The following SLX4 variants were observed in gnomAD, a reference collection of about 807,000 sequenced individuals.
SLX4 encodes the protein SLX4 structure-specific endonuclease subunit, also known as structure-specific endonuclease subunit SLX4.
Under a neutral mutation model 146.2 loss-of-function variants are expected in SLX4, and 112 were observed. That is an observed-to-expected ratio of 0.77 (90% confidence interval 0.66 to 0.90). The LOEUF (loss-of-function observed/expected upper bound fraction) is 0.90, where lower values mean the gene tolerates loss of function less well. Ranked by LOEUF, SLX4 falls within the 40% of genes least tolerant of loss-of-function variation. The pLI, the probability that SLX4 is intolerant of heterozygous loss-of-function variation, is 0.00. For synonymous variants in SLX4, 1,061 were observed against 997.7 expected, an observed-to-expected ratio of 1.06 and a Z score of -1.20; for missense variants, 2,563 against 2,392.7, an observed-to-expected ratio of 1.07 and a Z score of -1.49.
In SLX4 at chr16:3,595,628, G is replaced by A. The variant is rs759223029; in HGVS notation, c.1990C>T (p.Pro664Ser). The A allele has an allele frequency of 1.9e-6, 3 of 1,613,856 alleles. No individual in the cohort carries two copies. The African/African-American group carries it at 4.0e-5, about 22-fold the overall frequency. Residue 664 changes from proline (P) to serine (S), a missense_variant, in exon 9 of 15, where the codon CCG becomes TCG. Pro to Ser is a moderately conservative substitution (Grantham distance 74). Coordinates refer to ENST00000294008, the MANE Select transcript of SLX4 (RefSeq NM_032444.4). ...GFVVPSQDKH[P>S]DRGGRTLLSL... ...ACCAAGGTGCGGCCGCCCCTGTCCG[G>A]GTGCTTGTCCTGCGATGGCACCACA...
intron 9 of SLX4, 78 bp from the exon 10 acceptor site, chr16:3,594,677 G>A: frequency 6.3e-7 from 1 of 1,599,136 alleles, no homozygotes; most frequent in Non-Finnish European, 8.6e-7. Flanking sequence ...CTCCCCGCAT[G>A]GAGGTGGCGC....
intron 1 of SLX4, among the ~76,000 whole-genome samples, chr16:3,611,240 G>A (rs2040866523): frequency 6.6e-6 from 1 of 152,190 alleles, no homozygotes; most frequent in East Asian, 1.9e-4. Flanking sequence ...GGGGTTCCCC[G>A]TCTGGGAAAA....
intron 12 of SLX4, among the ~76,000 whole-genome samples, chr16:3,587,445 G>T (rs889338225): frequency 6.6e-6 from 1 of 152,162 alleles, no homozygotes; most frequent in African/African-American, 2.4e-5. Context: ...GCAGTGAGCC[G>T]AGATAGCCCC....
chr16:3,604,157 G>T (rs112388769), intron 3 of SLX4, among the ~76,000 whole-genome samples: 12 of 151,642 alleles, frequency 7.9e-5, no homozygotes, highest in African/African-American at 2.7e-4. Flanking sequence ...GCTTGAACCT[G>T]GGAGGCAGAG....
intron 1 of SLX4, among the ~76,000 whole-genome samples, chr16:3,610,508 T>C (rs768810481): frequency 5.3e-5 from 8 of 152,190 alleles, no homozygotes; most frequent in Non-Finnish European, 1.2e-4. Flanking sequence ...AAGAAGCCTA[T>C]ATGGTGGAAT....
chr16:3,592,261 G>A (rs560859574), intron 11 of SLX4, among the ~76,000 whole-genome samples: 1 of 152,394 alleles, frequency 6.6e-6, no homozygotes, highest in South Asian at 2.1e-4. Flanking sequence ...CTAAGATGCT[G>A]GCTGGACAAG....
chr16:3,584,756 G>A lies in SLX4; in HGVS notation c.4739+13C>T, dbSNP rs2040488258. 1 of 1,603,464 alleles carries A rather than the reference G, an allele frequency of 6.2e-7. No individual in the cohort carries two copies. The highest frequency in any genetic ancestry group is 1.7e-5 in the Admixed American group (1 of 59,988). On this transcript the variant is annotated intron_variant, in intron 13 of 14. Transcript: ENST00000294008. ...AAGACCACTGTGGGCAACAAGCTTT[G>A]AAGACCGCCAACCTATCCAGTTCCT...
Position 3,596,197 on chromosome 16 carries a change from G to A in SLX4, c.1880C>T (p.Pro627Leu), listed in dbSNP as rs774683778. Residue 627 changes from proline to leucine, a missense_variant, in exon 8 of 15, where the codon CCG (proline) becomes CTG (leucine). By Grantham distance (98) the Pro-to-Leu change is moderately conservative. Transcript: ENST00000294008. ...DLAREGLSAS[P>L]WPGSGGLAGS... ...AGCCAGGCCCCCACTGCCGGGCCACGGGCTGGCGCTCAGTCCCTCCCTCGC... is the reference window on the plus strand; with the variant it reads ...AGCCAGGCCCCCACTGCCGGGCCACAGGCTGGCGCTCAGTCCCTCCCTCGC... 8.4e-6 allele frequency: 13 copies of A among 1,550,646 alleles called. No homozygotes were observed. The highest frequency in any genetic ancestry group is 1.9e-5 in the Admixed American group (1 of 51,918).
intron 5 of SLX4, among the ~76,000 whole-genome samples, chr16:3,599,206 CAA>C (rs992861191): frequency 6.6e-6 from 1 of 152,354 alleles, no homozygotes; most frequent in African/African-American, 2.4e-5. Flanking sequence ...GCTCCTCCAC[CAA>C]GAGAATCCCC....
rs781021676 is a variant in SLX4, at chr16:3,590,968, G to A, written c.2670C>T (p.Leu890=). The A allele has an allele frequency of 3.1e-6, 5 of 1,614,150 alleles. No homozygotes were observed. Among genetic ancestry groups the A allele is most frequent in the African/African-American group, 1.3e-5 (1 of 75,032 alleles). The part of the protein sequence containing the change: ...LEGGSPVSGQ[L]LAGVQVQKQW... Reference sequence around the variant, plus strand: ...GTTTCTGCACCTGGACACCTGCTAGGAGTTGCCCAGAAACCGGACTGCCAC... The same window carrying A: ...GTTTCTGCACCTGGACACCTGCTAGAAGTTGCCCAGAAACCGGACTGCCAC... The change falls in exon 12 of 15, where the codon CTC becomes CTT. Residue 890 remains leucine (L), a synonymous_variant. Transcript: ENST00000294008. This position sits in a 1 kb window ranked among gnomAD's most constrained non-coding sequence, Gnocchi z 4.8.
chr16:3,589,618 G>A lies in SLX4; in HGVS notation c.4020C>T (p.His1340=), dbSNP rs768829231. 3.1e-6 allele frequency: 5 copies of A among 1,613,958 alleles called. No homozygotes were observed. The highest frequency in any genetic ancestry group is 4.2e-6 in the Non-Finnish European group (5 of 1,180,042). ...PGTSDGRRQG[H]RSPSRPHPGG... ...CGGGGTGGGGACGGGAAGGGCTTCT[G>A]TGGCCTTGCCTTCTGCCGTCAGAAG... is the stretch of plus-strand genomic sequence containing the variant. The change falls in exon 12 of 15, where the codon CAC becomes CAT. Residue 1340 remains histidine (H), a synonymous_variant. Coordinates refer to ENST00000294008, the MANE Select transcript of SLX4 (RefSeq NM_032444.4). This position sits in a 1 kb window ranked among gnomAD's most constrained non-coding sequence, Gnocchi z 6.2.
Position 3,591,038 on chromosome 16 carries a change from T to G in SLX4, c.2600A>C (p.Glu867Ala). Residue 867 changes from glutamate (E) to alanine (A), a missense_variant, in exon 12 of 15, where the codon GAA becomes GCA. Glu to Ala is a moderately radical substitution (Grantham distance 107). Coordinates refer to ENST00000294008, the MANE Select transcript of SLX4 (RefSeq NM_032444.4). ...CTCGCCGGCACCCGCTGCCCTTTCTTCCTGGAGAAGCTTTCGCTGAGTAGC... is the reference window on the plus strand; with the variant it reads ...CTCGCCGGCACCCGCTGCCCTTTCTGCCTGGAGAAGCTTTCGCTGAGTAGC... The part of the protein sequence containing the change: ...FAATQRKLLQ[E>A]ERAAGAGEDA... 1 of 1,614,166 alleles carries G rather than the reference T, an allele frequency of 6.2e-7. No individual in the cohort carries two copies. The highest frequency in any genetic ancestry group is 8.5e-7 in the Non-Finnish European group (1 of 1,180,038).
chr16:3,589,594 G>A lies in SLX4; in HGVS notation c.4044C>T (p.Pro1348=), dbSNP rs1332165366. ...GCGGAGAGGAGTGCGGGTGGCCCCCGGGGTGGGGACGGGAAGGGCTTCTGT... is the reference window on the plus strand; with the variant it reads ...GCGGAGAGGAGTGCGGGTGGCCCCCAGGGTGGGGACGGGAAGGGCTTCTGT... The part of the protein sequence containing the change: ...QGHRSPSRPH[P]GGHPHSSPLA... The change falls in exon 12 of 15, where the codon CCC becomes CCT. Residue 1348 remains proline, a synonymous_variant. Transcript: ENST00000294008. The surrounding 1 kb of genome is among the most constrained non-coding windows in gnomAD (Gnocchi z 6.2). The A allele has an allele frequency of 3.7e-6, 6 of 1,613,632 alleles. No homozygotes were observed. The highest frequency in any genetic ancestry group is 4.5e-5 in the East Asian group (2 of 44,886).
At chr16:3,583,719 C>T (rs1020191262) in intron 13 of SLX4, among the ~76,000 whole-genome samples, 2 of 152,220 alleles carry the variant, frequency 1.3e-5, no homozygotes, top group Non-Finnish European at 2.9e-5. Flanking sequence ...AGAAACATTG[C>T]CAGCCAGGCA....
At chr16:3,605,928 C>T (rs577886511) in intron 3 of SLX4, among the ~76,000 whole-genome samples, 41 of 114,902 alleles carry the variant, frequency 3.6e-4, no homozygotes, top group African/African-American at 1.1e-3. Context: ...GCCTGGGTGA[C>T]GGAGCGAGAC....
Position 3,597,729 on chromosome 16 carries a change from G to A in SLX4, c.1367-34C>T, listed in dbSNP as rs762061457. Reference sequence around the variant, plus strand: ...AAACAAAAGCGACACCATCAACGGTGGAGTCGGTCCACTCACCCGGGACCT... The same window carrying A: ...AAACAAAAGCGACACCATCAACGGTAGAGTCGGTCCACTCACCCGGGACCT... On this transcript the variant is annotated intron_variant, in intron 6 of 14. Coordinates refer to ENST00000294008, the MANE Select transcript of SLX4 (RefSeq NM_032444.4). This position sits in a 1 kb window ranked among gnomAD's most constrained non-coding sequence, Gnocchi z 4.4. The A allele has an allele frequency of 5.6e-6, 9 of 1,614,098 alleles. No individual in the cohort carries two copies. In the South Asian group the frequency reaches 8.8e-5, roughly 16 times the overall value.
chr16:3,608,420 T>G lies in SLX4; in HGVS notation c.535+10A>C. On this transcript the variant is annotated intron_variant, in intron 2 of 14. Coordinates refer to ENST00000294008, the MANE Select transcript of SLX4 (RefSeq NM_032444.4). Reference sequence around the variant, plus strand: ...TTTTCCAGCCCCTGGTTTAAAAGAGTACAAATTACCTCTGGTTTTCTCTCT... The same window carrying G: ...TTTTCCAGCCCCTGGTTTAAAAGAGGACAAATTACCTCTGGTTTTCTCTCT... 1.9e-6 allele frequency: 3 copies of G among 1,614,054 alleles called. No homozygotes were observed. The highest frequency in any genetic ancestry group is 1.7e-6 in the Non-Finnish European group (2 of 1,180,020).
chr16:3,584,804 A>G lies in SLX4; in HGVS notation c.4704T>C (p.Ile1568=), dbSNP rs1208933266. The G allele has an allele frequency of 6.2e-7, 1 of 1,614,096 alleles. No individual in the cohort carries two copies. Among genetic ancestry groups the G allele is most frequent in the African/African-American group, 1.3e-5 (1 of 75,040 alleles). Residue 1568 remains isoleucine (I), a synonymous_variant, in exon 13 of 15, where the codon ATT becomes ATC. Transcript: ENST00000294008. ...CCTTCTTCAGCACCGGCGTCTCCAT[A>G]ATGGAATACTGTGGCATCGGCGTTA... is the stretch of plus-strand genomic sequence containing the variant. ...VPITPMPQYS[I]METPVLKKEL...
intron 13 of SLX4, 88 bp from the exon 14 acceptor site, chr16:3,583,598 A>C: frequency 7.0e-7 from 1 of 1,432,370 alleles, no homozygotes; most frequent in Non-Finnish European, 9.8e-7. Flanking sequence ...GTGATACCCA[A>C]TGCATTCAGC....
Sources: gnomAD v4.1 joint callset for allele counts (sites outside exome capture counted in the v4.1 genomes callset) on GRCh38, gnomAD v4.1.1 for gene constraint, Gnocchi (gnomAD v3.1) non-coding constraint, MANE v1.5 for transcripts, NCBI Gene and HGNC (gene_info 2026-07-23, HGNC 2026-07-21) for gene names.